Variants in TRAF3 observed in about 807,000 individuals in gnomAD.
The protein encoded by TRAF3 is TNF receptor associated factor 3, also known as TNF receptor-associated factor 3.
In TRAF3, 13 loss-of-function variants were observed where a neutral mutation model predicts 62.3. The observed-to-expected ratio is 0.21, with a 90% CI of 0.14 to 0.33. The LOEUF is 0.33. Among genes scored for constraint, TRAF3 ranks in the 10% least tolerant of loss-of-function variants. The pLI is 1.00. For missense variants in TRAF3, 440 were observed against 741.8 expected (o/e 0.59, Z 4.73); for synonymous variants, 269 against 283.4 (o/e 0.95, Z 0.51).
rs1888363679 is a variant in TRAF3, at chr14:102,871,930, A to C, written c.259A>C (p.Lys87Gln). 6.2e-7 allele frequency: 1 copy of C among 1,614,198 alleles called. No individual in the cohort carries two copies. Among genetic ancestry groups the C allele is most frequent in the Non-Finnish European group, 8.5e-7 (1 of 1,180,042 alleles). ...GTTTCCCTGCAGCTCTTCAAGTCCA[A>C]AATGTACAGCGTGTCAAGAGAGCAT... Reference protein sequence around the residue: ...MAALLSSSSPKCTACQESIVK... With the variant: ...MAALLSSSSPQCTACQESIVK... The change falls in exon 4 of 12, where the codon AAA becomes CAA. Residue 87 changes from lysine (K) to glutamine (Q), a missense_variant. Lys to Gln is a moderately conservative substitution (Grantham distance 53). Around this residue, in one of 6 missense-constraint regions of TRAF3, gnomAD observed 255 missense variants for 424.1 expected, o/e 0.60. Coordinates refer to ENST00000392745, the MANE Select transcript of TRAF3 (RefSeq NM_145725.3).
intron 1 of TRAF3, among the ~76,000 whole-genome samples, chr14:102,825,454 G>A (rs897800718): frequency 5.9e-5 from 9 of 152,206 alleles, no homozygotes; most frequent in African/African-American, 1.9e-4. Flanking sequence ...TTGCGCCCCT[G>A]CCCGTCTCTT....
At chr14:102,779,131 T>G (rs1272141698) in intron 1 of TRAF3, among the ~76,000 whole-genome samples, 1 of 152,204 alleles carries the variant, frequency 6.6e-6, no homozygotes, top group Non-Finnish European at 1.5e-5. Context: ...AGACCTTGGA[T>G]TCCAGCATCG....
rs563528357 is a variant in TRAF3 at position 102,882,799 on chromosome 14, C to T, written c.571-3390C>T. Among the ~76,000 whole-genome samples the T allele has an allele frequency of 4.7e-4, 72 of 152,224 alleles. 1 individual carries two copies. The highest frequency in any genetic ancestry group is 7.8e-4 in the Non-Finnish European group (53 of 68,012). On this transcript the variant is annotated intron_variant, in intron 6 of 11. Coordinates refer to ENST00000392745, the MANE Select transcript of TRAF3 (RefSeq NM_145725.3). ...AGTTCATATAAGGATTTCTTTTCTA[C>T]GTTTAAACTGTGGTGTAGACAGTAT...
chr14:102,903,139 C>A lies in TRAF3; in HGVS notation c.961-116C>A. On this transcript the variant is annotated intron_variant, in intron 10 of 11. Coordinates refer to ENST00000392745, the MANE Select transcript of TRAF3 (RefSeq NM_145725.3). This position sits in a 1 kb window ranked among gnomAD's most constrained non-coding sequence, Gnocchi z 6.4. ...GGAGTCAGAGCCGCGGGTGGCAGGCCTCATACAGGGGCCTCTGACTGTTCT... is the reference window on the plus strand; with the variant it reads ...GGAGTCAGAGCCGCGGGTGGCAGGCATCATACAGGGGCCTCTGACTGTTCT... 1 of 1,459,142 alleles carries A rather than the reference C, an allele frequency of 6.9e-7. No homozygotes were observed. The highest frequency in any genetic ancestry group is 9.6e-7 in the Non-Finnish European group (1 of 1,043,894). 90.4% of individuals were successfully genotyped at this position (1,459,142 alleles called of 1,614,324 possible). A position where few individuals can be genotyped will look rare whatever the true frequency, so the allele number is the denominator to read the frequency against.
intron 2 of TRAF3, among the ~76,000 whole-genome samples, chr14:102,849,212 A>G (rs555511600): frequency 1.3e-4 from 20 of 152,212 alleles, no homozygotes; most frequent in African/African-American, 4.6e-4. Flanking sequence ...TACAGTTGAC[A>G]CTCCAGGAAG....
chr14:102,902,066 G>A (rs1890331772), intron 10 of TRAF3, among the ~76,000 whole-genome samples: 1 of 152,262 alleles, frequency 6.6e-6, no homozygotes, highest in African/African-American at 2.4e-5. Context: ...TGGGCCACCA[G>A]GGCGGAGTAC....
intron 1 of TRAF3, among the ~76,000 whole-genome samples, chr14:102,805,475 T>C (rs1271925565): frequency 1.3e-5 from 2 of 152,186 alleles, no homozygotes; most frequent in Non-Finnish European, 2.9e-5. Flanking sequence ...GATTGCAGGA[T>C]GCTGGGAGCC....
At chr14:102,814,834 T>G (rs1899420432) in intron 1 of TRAF3, among the ~76,000 whole-genome samples, 2 of 152,202 alleles carry the variant, frequency 1.3e-5, no homozygotes, top group African/African-American at 4.8e-5. Context: ...CTTTTCAATT[T>G]CTTGATGGTG....
At chr14:102,794,124 A>T (rs1897946173) in intron 1 of TRAF3, among the ~76,000 whole-genome samples, 1 of 150,018 alleles carries the variant, frequency 6.7e-6, no homozygotes, top group Non-Finnish European at 1.5e-5. Context: ...CAGAACTCTT[A>T]GAGTGAGTGT....
In TRAF3 at chr14:102,903,528, G is replaced by A. The variant is rs1890415425; in HGVS notation, c.1135+99G>A. On this transcript the variant is annotated intron_variant, in intron 11 of 11. Coordinates refer to ENST00000392745, the MANE Select transcript of TRAF3 (RefSeq NM_145725.3). The surrounding 1 kb of genome is among the most constrained non-coding windows in gnomAD (Gnocchi z 6.4). ...GATGAGGGCTATGTTAGGTACATGTGCCTTAGGACAGTTTTTTCTAATTAT... is the reference window on the plus strand; with the variant it reads ...GATGAGGGCTATGTTAGGTACATGTACCTTAGGACAGTTTTTTCTAATTAT... 6.5e-7 allele frequency: 1 copy of A among 1,534,598 alleles called. No homozygotes were observed. The highest frequency in any genetic ancestry group is 2.3e-5 in the East Asian group (1 of 42,974).
At chr14:102,777,851 G>T (rs974198195) in intron 1 of TRAF3, among the ~76,000 whole-genome samples, 176 bp downstream of exon 1, 44 of 147,278 alleles carry the variant, frequency 3.0e-4, no homozygotes, top group South Asian at 1.0e-3. Context: ...CGCGGCTTCA[G>T]CCTGGCCCCG....
intron 6 of TRAF3, among the ~76,000 whole-genome samples, chr14:102,878,569 CAGT>C (rs1442470342): frequency 5.3e-5 from 8 of 152,236 alleles, no homozygotes; most frequent in East Asian, 1.9e-4. Flanking sequence ...GCTGGGGACT[CAGT>C]GGTGAGGCTC....
At chr14:102,804,998 C>G (rs1368964038) in intron 1 of TRAF3, among the ~76,000 whole-genome samples, 1 of 152,156 alleles carries the variant, frequency 6.6e-6, no homozygotes, top group African/African-American at 2.4e-5. Flanking sequence ...AGATTTTGAC[C>G]TTCCCTGGAC....
chr14:102,886,545 C>T (rs1889401025), intron 7 of TRAF3, among the ~76,000 whole-genome samples: 1 of 152,096 alleles, frequency 6.6e-6, no homozygotes, highest in South Asian at 2.1e-4. Context: ...CACCTGAGGT[C>T]AGGAGTTCAG....
At chr14:102,867,897 G>C (rs201468019) in intron 2 of TRAF3, among the ~76,000 whole-genome samples, 2 of 152,186 alleles carry the variant, frequency 1.3e-5, no homozygotes, top group East Asian at 1.9e-4. Flanking sequence ...CCCAAGTGTG[G>C]CTAGAACGCC....
At chr14:102,855,988 A>T (rs796638999) in intron 2 of TRAF3, among the ~76,000 whole-genome samples, 4 of 149,790 alleles carry the variant, frequency 2.7e-5, no homozygotes, top group African/African-American at 9.8e-5. Flanking sequence ...GGTATTCGGG[A>T]GGCTGAGTTG....
At chr14:102,821,994 A>T (rs574749191) in intron 1 of TRAF3, among the ~76,000 whole-genome samples, 6 of 152,324 alleles carry the variant, frequency 3.9e-5, no homozygotes, top group Admixed American at 1.3e-4. Flanking sequence ...GTGAGCCAAG[A>T]TTGTGCCACT....
In TRAF3 at chr14:102,809,413, A is replaced by C. The variant is rs548087772; in HGVS notation, c.-156-20921A>C. Among the ~76,000 whole-genome samples, 277 of 152,158 alleles carry C rather than the reference A, an allele frequency of 1.8e-3. 1 individual carries two copies. Among genetic ancestry groups the C allele is most frequent in the African/African-American group, 6.6e-3 (272 of 41,502 alleles). Reference sequence around the variant, plus strand: ...CCAAAGTGCTGAGATTACAGGCGTGAGCCACCGCGCCTGGCCTAGAGTGAC... The same window carrying C: ...CCAAAGTGCTGAGATTACAGGCGTGCGCCACCGCGCCTGGCCTAGAGTGAC... On this transcript the variant is annotated intron_variant, in intron 1 of 11. Transcript: ENST00000392745.
intron 3 of TRAF3, among the ~76,000 whole-genome samples, chr14:102,871,339 C>T (rs1402554786): frequency 3.9e-5 from 6 of 152,242 alleles, no homozygotes; most frequent in African/African-American, 1.4e-4. Flanking sequence ...AGCTTAGTGA[C>T]AGCACAGGAG....
Sources: gnomAD v4.1 joint callset for allele counts (sites outside exome capture counted in the v4.1 genomes callset) on GRCh38, gnomAD v4.1.1 for gene constraint, gnomAD v4.1.1 regional missense constraint, Gnocchi (gnomAD v3.1) non-coding constraint, MANE v1.5 for transcripts, NCBI Gene and HGNC (gene_info 2026-07-23, HGNC 2026-07-21) for gene names.